Variants in STAT5B observed in about 807,000 individuals in gnomAD.
STAT5B encodes the protein transcription factor STAT5B.
STAT5B carries 21 observed loss-of-function variants against 107.8 expected under a neutral mutation model. The observed-to-expected ratio is 0.19, with a 90% CI of 0.14 to 0.28. The LOEUF is 0.28. STAT5B is among the 10% of genes least tolerant of loss of function. STAT5B has a pLI of 1.00. For missense variants in STAT5B, 565 were observed against 1,008.2 expected (o/e 0.56, Z 5.95); for synonymous variants, 325 against 401.7 (o/e 0.81, Z 2.28).
At chr17:42,227,204 G>C (rs890653057) in intron 3 of STAT5B, among the ~76,000 whole-genome samples, 5 of 150,032 alleles carry the variant, frequency 3.3e-5, no homozygotes, top group Non-Finnish European at 7.4e-5. Context: ...ACTGGTGCAG[G>C]GACACAAGGT....
At chr17:42,279,586 G>A (rs906440501), upstream of STAT5B, among the ~76,000 whole-genome samples, 1 of 152,090 alleles carries the variant, frequency 6.6e-6, no homozygotes, top group African/African-American at 2.4e-5. Context: ...TCGGGAGTTC[G>A]AGACCAGCCT....
chr17:42,232,678 G>A (rs957066233), intron 1 of STAT5B, among the ~76,000 whole-genome samples: 9 of 152,112 alleles, frequency 5.9e-5, no homozygotes, highest in Non-Finnish European at 1.3e-4. Flanking sequence ...GGTCTATGAA[G>A]CTCTGACTAT....
At chr17:42,205,571 G>A (rs888144337) in intron 16 of STAT5B, among the ~76,000 whole-genome samples, 1 of 152,074 alleles carries the variant, frequency 6.6e-6, no homozygotes, top group African/African-American at 2.4e-5. Context: ...TTTTTCTCTA[G>A]ATCTTTGTAT....
At position 42,212,039 on chromosome 17, in the gene STAT5B, C is replaced by T. The variant is rs1297922816; in HGVS notation, c.1625G>A (p.Ser542Asn). The change falls in exon 13 of 19, where the codon AGC becomes AAC. Residue 542 changes from serine to asparagine, a missense_variant. Ser to Asn is a conservative substitution (Grantham distance 46). Transcript: ENST00000293328. ...FLAQKLFNNS[S>N]SHLEDYSGLS... ...GCCACTGTAGTCCTCCAGGTGGCTG[C>T]TGCTGTTGTTGAACAGTTTCTGCGC... 1 of 1,614,050 alleles carries T rather than the reference C, an allele frequency of 6.2e-7. No homozygotes were observed. Among genetic ancestry groups the T allele is most frequent in the East Asian group, 2.2e-5 (1 of 44,886 alleles).
At chr17:42,210,352 G>A in intron 14 of STAT5B, 51 bp from the exon 15 acceptor site, 1 of 1,614,206 alleles carries the variant, frequency 6.2e-7, no homozygotes, top group Non-Finnish European at 8.5e-7. Flanking sequence ...TACGATGCCA[G>A]AGAGAAGACC....
chr17:42,280,077 T>A (rs1446255262), upstream of STAT5B, among the ~76,000 whole-genome samples: 2 of 152,012 alleles, frequency 1.3e-5, no homozygotes, highest in African/African-American at 4.8e-5. Flanking sequence ...TTCCCTTAAA[T>A]TGAGGGGACA....
At chr17:42,214,192 A>T (rs994118024) in intron 12 of STAT5B, 45 of 983,952 alleles carry the variant, frequency 4.6e-5, no homozygotes, top group Non-Finnish European at 5.4e-5. Context: ...AGTCATTAAC[A>T]TAGCTGAGAA....
At position 42,207,693 on chromosome 17, in the gene STAT5B, T is replaced by C. The variant is rs761602572; in HGVS notation, c.1942A>G (p.Thr648Ala). Residue 648 changes from threonine to alanine, a missense_variant, in exon 16 of 19, where the codon ACC becomes GCC. This residue lies in a region of STAT5B where 38 missense variants were observed against 79.5 expected (regional missense o/e 0.48). Transcript: ENST00000293328. Reference sequence around the variant, plus strand: ...AGGGACCGAATGGAGAAGTCTCTGGTGGTAAAAGGCATCAGATTCCAAAAC... The same window carrying C: ...AGGGACCGAATGGAGAAGTCTCTGGCGGTAAAAGGCATCAGATTCCAAAAC... ...RMFWNLMPFT[T>A]RDFSIRSLAD... 6 of 1,614,108 alleles carry C rather than the reference T, an allele frequency of 3.7e-6. 1 individual carries two copies. The Admixed American group carries it at 1.0e-4, about 27-fold the overall frequency.
chr17:42,210,517 T>C lies in STAT5B; in HGVS notation c.1681-20A>G, dbSNP rs920743191. The stretch of plus-strand genomic sequence containing the variant: ...ATTCTCCTGGTTGGAGATACAACAG[T>C]GAACATAAGAACACCAGAGTAACAC... On this transcript the variant is annotated intron_variant, in intron 13 of 18. Transcript: ENST00000293328. 1.9e-6 allele frequency: 3 copies of C among 1,598,254 alleles called. No homozygotes were observed. The Admixed American group carries it at 5.0e-5, about 27-fold the overall frequency.
intron 5 of STAT5B, among the ~76,000 whole-genome samples, 163 bp from the exon 6 acceptor site, chr17:42,220,005 T>C (rs1490879951): frequency 3.9e-5 from 6 of 152,152 alleles, no homozygotes; most frequent in Non-Finnish European, 8.8e-5. Flanking sequence ...GATGAATGGG[T>C]GCCCCAGGAG....
intron 2 of STAT5B, among the ~76,000 whole-genome samples, chr17:42,230,249 G>A (rs185820996): frequency 6.6e-6 from 1 of 152,048 alleles, no homozygotes; most frequent in East Asian, 1.9e-4. Flanking sequence ...CTACTAACAC[G>A]CATTGCGATT....
chr17:42,263,232 G>A (rs1310335040), intron 1 of STAT5B, among the ~76,000 whole-genome samples: 2 of 149,946 alleles, frequency 1.3e-5, no homozygotes, highest in South Asian at 4.2e-4. Flanking sequence ...AGGCTACCAC[G>A]AAGCACAGGA....
At chr17:42,211,264 T>C (rs950997678) in intron 13 of STAT5B, among the ~76,000 whole-genome samples, 20 of 151,830 alleles carry the variant, frequency 1.3e-4, no homozygotes, top group Non-Finnish European at 1.9e-4. Context: ...TCCCAGCACT[T>C]TGGGAGGCCG....
intron 16 of STAT5B, among the ~76,000 whole-genome samples, chr17:42,206,633 G>A (rs1215895728): frequency 1.3e-5 from 2 of 152,214 alleles, no homozygotes; most frequent in South Asian, 2.1e-4. Context: ...GGAGTGCAAT[G>A]GCACGATTTC....
intron 9 of STAT5B, 57 bp downstream of exon 9, chr17:42,218,094 T>C: frequency 6.3e-7 from 1 of 1,582,396 alleles, no homozygotes; most frequent in Non-Finnish European, 8.6e-7. Context: ...ATTCTTTTTT[T>C]CCTGTTGCCA....
chr17:42,274,295 A>C (rs965782923), intron 1 of STAT5B, among the ~76,000 whole-genome samples: 3 of 151,348 alleles, frequency 2.0e-5, no homozygotes, highest in African/African-American at 2.4e-5. Flanking sequence ...AAAAAAAAAA[A>C]AAAAAAAAAA....
At chr17:42,239,134 G>C (rs1262407022) in intron 1 of STAT5B, among the ~76,000 whole-genome samples, 1 of 150,858 alleles carries the variant, frequency 6.6e-6, no homozygotes, top group African/African-American at 2.4e-5. Flanking sequence ...TGTAGTCCCA[G>C]CTACTCAGGA....
chr17:42,284,486 C>T, the STAT5B span, among the ~76,000 whole-genome samples: 3 of 152,140 alleles, frequency 2.0e-5, no homozygotes, highest in African/African-American at 7.2e-5. Flanking sequence ...AGGCTGATCT[C>T]GAACTCCTGA....
At chr17:42,224,899 G>A (rs765601376) in intron 3 of STAT5B, 31 bp from the exon 4 acceptor site, 4 of 1,611,434 alleles carry the variant, frequency 2.5e-6, no homozygotes, top group African/African-American at 1.3e-5. Context: ...ACATCACTTT[G>A]TGCCACTCCA....
Sources: allele counts gnomAD v4.1 joint callset (sites outside exome capture counted in the v4.1 genomes callset), GRCh38; gene constraint gnomAD v4.1.1; regional missense constraint gnomAD v4.1.1; transcripts MANE v1.5; gene names NCBI Gene and HGNC (gene_info 2026-07-23, HGNC 2026-07-21).